The following SH2B1 variants were observed in gnomAD, a reference collection of about 807,000 sequenced individuals.
SH2B1 encodes the protein SH2B adapter protein 1.
In SH2B1, 15 loss-of-function variants were observed where a neutral mutation model predicts 62.6. The observed-to-expected ratio is 0.24, with a 90% CI of 0.16 to 0.37. The LOEUF is 0.37. SH2B1 is among the 10% of genes least tolerant of loss of function. The probability of loss-of-function intolerance (pLI) is 1.00; values close to 1 mark genes in which losing one functional copy is unlikely to be tolerated. For missense variants in SH2B1, 925 were observed against 1,015.6 expected (o/e 0.91, Z 1.21); for synonymous variants, 443 against 438.0 (o/e 1.01, Z -0.14).
chr16:28,852,867 CATAT>C (rs1442128625), intron 1 of SH2B1, among the ~76,000 whole-genome samples: 1 of 78,068 alleles, frequency 1.3e-5, no homozygotes, highest in Non-Finnish European at 2.2e-5. Context: ...TATATATTTA[CATAT>C]ATATTTTTAT....
chr16:28,863,731 G>A, upstream of SH2B1: 1 of 1,535,788 alleles, frequency 6.5e-7, no homozygotes, highest in Non-Finnish European at 8.7e-7. Flanking sequence ...CCTGGGGTCG[G>A]CGCCGAGTGG....
chr16:28,852,305 T>C (rs577167807), intron 1 of SH2B1, among the ~76,000 whole-genome samples: 12 of 63,930 alleles, frequency 1.9e-4, no homozygotes, highest in African/African-American at 7.6e-4. Flanking sequence ...TATATTTACA[T>C]ATATATATTT....
chr16:28,862,703 C>T (rs1962488960), upstream of SH2B1: 1 of 148,296 alleles, frequency 6.7e-6, no homozygotes, highest in Non-Finnish European at 1.5e-5. Context: ...GCAACCTCTG[C>T]CTCCCGGGTT....
At position 28,873,879 on chromosome 16, in the gene SH2B1, T is replaced by G; in HGVS notation, c.*59T>G. On this transcript the variant is annotated 3_prime_UTR_variant, in exon 8 of 8. Transcript: ENST00000684370. The surrounding 1 kb of genome is among the most constrained non-coding windows in gnomAD (Gnocchi z 4.2). The stretch of plus-strand genomic sequence containing the variant: ...CCCAGCCCTGCTCGTGAGATTGGGC[T>G]GGGTAGGGACAGAGGAGGCCGAAAT... 2 of 1,382,890 alleles carry G rather than the reference T, an allele frequency of 1.4e-6. No homozygotes were observed. Among genetic ancestry groups the G allele is most frequent in the Non-Finnish European group, 1.9e-6 (2 of 1,072,292 alleles). 85.7% of individuals were successfully genotyped at this position (1,382,890 alleles called of 1,614,324 possible).
At chr16:28,850,894 G>T (rs2152153132) in intron 1 of SH2B1, among the ~76,000 whole-genome samples, 1 of 150,364 alleles carries the variant, frequency 6.7e-6, no homozygotes, top group African/African-American at 2.4e-5. Flanking sequence ...ATTAAAAAGG[G>T]CCGGACGTGG....
rs371393867 is a variant in SH2B1, at chr16:28,852,343, C to CAT, written c.-301+5523_-301+5524dup. Among the ~76,000 whole-genome samples the CAT allele has an allele frequency of 3.5e-3, 102 of 29,512 alleles. 14 individuals carry two copies. The highest frequency in any genetic ancestry group is 8.4e-3 in the African/African-American group (58 of 6,900). 19.4% of individuals were successfully genotyped at this position (29,512 alleles called of 152,430 possible). Reference sequence around the variant, plus strand: ...ATATATATATTTACATATATATTTACATATATATTTATATATATATTTATA... The same window carrying CAT: ...ATATATATATTTACATATATATTTACATATATATATTTATATATATATTTATA... On this transcript the variant is annotated intron_variant, in intron 1 of 10. Transcript: ENST00000322610.
At position 28,873,489 on chromosome 16, in the gene SH2B1, C is replaced by T; in HGVS notation, c.1940C>T (p.Pro647Leu). Residue 647 changes from proline to leucine, a missense_variant, in exon 8 of 8, where the codon CCT becomes CTT. Pro to Leu is a moderately conservative substitution (Grantham distance 98, BLOSUM62 -3). Transcript: ENST00000684370. This position sits in a 1 kb window ranked among gnomAD's most constrained non-coding sequence, Gnocchi z 4.2. Reference sequence around the variant, plus strand: ...GACCCACCCCAGCCCCCTGAACCCCCTTCATGGACAGATCCCCCACAGCCT... The same window carrying T: ...GACCCACCCCAGCCCCCTGAACCCCTTTCATGGACAGATCCCCCACAGCCT... ...SHDPPQPPEPPSWTDPPQPGA... is the reference protein window; with the variant it reads ...SHDPPQPPEPLSWTDPPQPGA... 1.9e-6 allele frequency: 3 copies of T among 1,583,202 alleles called. No homozygotes were observed. Among genetic ancestry groups the T allele is most frequent in the East Asian group, 2.2e-5 (1 of 44,498 alleles).
Position 28,873,356 on chromosome 16 carries a change from C to T in SH2B1, c.1898-91C>T. On this transcript the variant is annotated intron_variant, in intron 7 of 7. Coordinates refer to ENST00000684370, the MANE Select transcript of SH2B1 (RefSeq NM_001387430.1). This position sits in a 1 kb window ranked among gnomAD's most constrained non-coding sequence, Gnocchi z 4.2. Reference sequence around the variant, plus strand: ...CAGGAGATGGGATGTGGGGAGACAGCCACGCTCCTGGGGGGCTGAGTGAAG... The same window carrying T: ...CAGGAGATGGGATGTGGGGAGACAGTCACGCTCCTGGGGGGCTGAGTGAAG... The T allele has an allele frequency of 6.3e-7, 1 of 1,586,278 alleles. No individual in the cohort carries two copies.
chr16:28,873,674 GC>G lies in SH2B1; in HGVS notation c.2129del (p.Pro710GlnfsTer27). 6.6e-7 allele frequency: 1 copy of G among 1,525,938 alleles called. No individual in the cohort carries two copies. The highest frequency in any genetic ancestry group is 1.7e-4 in the Middle Eastern group (1 of 5,826). 94.5% of individuals were successfully genotyped at this position (1,525,938 alleles called of 1,614,324 possible). A position where few individuals can be genotyped will look rare whatever the true frequency, so the allele number is the denominator to read the frequency against. On this transcript the variant is annotated frameshift_variant, in exon 8 of 8. Coordinates refer to ENST00000684370, the MANE Select transcript of SH2B1 (RefSeq NM_001387430.1). LOFTEE classifies it high-confidence loss of function. This position sits in a 1 kb window ranked among gnomAD's most constrained non-coding sequence, Gnocchi z 4.2. ...VPVVELEEAI[A>X]PGSEAQGAGS... ...CGTGGTTGAATTGGAAGAGGCCATA[GC>G]CCCAGGCTCAGAGGCCCAGGGCGCT...
intron 2 of SH2B1, 111 bp downstream of exon 2, chr16:28,867,543 C>T: frequency 1.3e-6 from 1 of 773,720 alleles, no homozygotes; most frequent in East Asian, 2.5e-5. Context: ...TGTCCAGTGC[C>T]TTGAGAGTGT....
intron 1 of SH2B1, among the ~76,000 whole-genome samples, chr16:28,852,386 A>T (rs1329706514): frequency 4.5e-5 from 3 of 66,130 alleles, no homozygotes; most frequent in African/African-American, 2.0e-4. Context: ...ACATATATTT[A>T]TATATATACA....
At chr16:28,871,718 C>G (rs1162479133) in intron 4 of SH2B1, 62 bp from the exon 5 acceptor site, 2 of 1,373,070 alleles carry the variant, frequency 1.5e-6, no homozygotes, top group African/African-American at 2.9e-5. Flanking sequence ...GGAGATGGGC[C>G]CAGGACAGTC....
intron 2 of SH2B1, among the ~76,000 whole-genome samples, chr16:28,868,209 G>A (rs1487339280): frequency 6.6e-6 from 1 of 151,618 alleles, no homozygotes. Context: ...GCGCGATCTC[G>A]ACTCACTGCA....
intron 1 of SH2B1, among the ~76,000 whole-genome samples, chr16:28,855,491 G>A (rs1256490346): frequency 6.6e-6 from 1 of 152,170 alleles, no homozygotes; most frequent in Admixed American, 6.6e-5. Context: ...AAATTGCTGG[G>A]AGTACAGGCA....
At chr16:28,852,799 T>TATATATTTAC (rs1366629345) in intron 1 of SH2B1, among the ~76,000 whole-genome samples, 1 of 67,884 alleles carries the variant, frequency 1.5e-5, no homozygotes, top group African/African-American at 6.7e-5. Context: ...TATATTTACA[T>TATATATTTAC]ATATATTTAC....
Position 28,865,452 on chromosome 16 carries a change from C to CT in SH2B1, c.-642dup. 1.0e-6 allele frequency: 1 copy of CT among 985,618 alleles called. No homozygotes were observed. Among genetic ancestry groups the CT allele is most frequent in the East Asian group, 1.1e-4 (1 of 8,946 alleles). The allele number at this position is 985,618 out of a possible 1,614,324, so 61.1% of individuals were successfully genotyped here. On this transcript the variant is annotated 5_prime_UTR_variant, in exon 1 of 8. An upstream open reading frame in the 5' UTR loses its in-frame stop. Coordinates refer to ENST00000684370, the MANE Select transcript of SH2B1 (RefSeq NM_001387430.1). Reference sequence around the variant, plus strand: ...TCTAAGGTCTAGAATCCCAGCTCCTCTCTAGCCCCCTGCGAGCTGGGGCGG... The same window carrying CT: ...TCTAAGGTCTAGAATCCCAGCTCCTCTTCTAGCCCCCTGCGAGCTGGGGCGG...
In SH2B1 at chr16:28,866,464, C is replaced by G. The variant is rs371537262; in HGVS notation, c.370C>G (p.Arg124Gly). Residue 124 changes from arginine (R) to glycine (G), a missense_variant, in exon 1 of 8, where the codon CGA (arginine) becomes GGA (glycine). Coordinates refer to ENST00000684370, the MANE Select transcript of SH2B1 (RefSeq NM_001387430.1). This position sits in a 1 kb window ranked among gnomAD's most constrained non-coding sequence, Gnocchi z 6.3. ...GCCCCTGGCTGTGCTGGGCCCTTCT[C>G]GATCATCTGAGGACCTGGCCGGCCC... is the stretch of plus-strand genomic sequence containing the variant. ...GGPLAVLGPS[R>G]SSEDLAGPLP... is the part of the protein sequence containing the mutation. 5.0e-6 allele frequency: 8 copies of G among 1,613,894 alleles called. No homozygotes were observed. In the East Asian group the frequency reaches 6.7e-5, roughly 13 times the overall value.
rs527954657 is a variant in SH2B1 at position 28,872,611 on chromosome 16, C to G, written c.1803C>G (p.Leu601=). Residue 601 remains leucine (L), a synonymous_variant, in exon 7 of 8, where the codon CTC becomes CTG. Transcript: ENST00000684370. This position sits in a 1 kb window ranked among gnomAD's most constrained non-coding sequence, Gnocchi z 5.3. ...GGTTCCAGTCCATTTTCGATATGCT[C>G]GAGCACTTCCGGGTGCACCCCATCC... is the stretch of plus-strand genomic sequence containing the variant. The part of the protein sequence containing the change: ...HLWFQSIFDM[L]EHFRVHPIPL... 3.5e-5 allele frequency: 56 copies of G among 1,614,044 alleles called. No individual in the cohort carries two copies. The highest frequency in any genetic ancestry group is 4.6e-5 in the Non-Finnish European group (54 of 1,180,030).
In SH2B1 at chr16:28,866,196, C is replaced by G; in HGVS notation, c.102C>G (p.Ala34=). The G allele has an allele frequency of 6.3e-7, 1 of 1,590,804 alleles. No individual in the cohort carries two copies. The highest frequency in any genetic ancestry group is 8.5e-7 in the Non-Finnish European group (1 of 1,170,752). ...PSWREFCESH[A]RAAALDFARR... Reference sequence around the variant, plus strand: ...GGCGGGAGTTCTGTGAGTCCCACGCCCGGGCTGCGGCTCTGGACTTTGCCC... The same window carrying G: ...GGCGGGAGTTCTGTGAGTCCCACGCGCGGGCTGCGGCTCTGGACTTTGCCC... The change falls in exon 1 of 8, where the codon GCC becomes GCG. Residue 34 remains alanine (A), a synonymous_variant. Coordinates refer to ENST00000684370, the MANE Select transcript of SH2B1 (RefSeq NM_001387430.1). This position sits in a 1 kb window ranked among gnomAD's most constrained non-coding sequence, Gnocchi z 6.3.
Sources: gnomAD v4.1 joint callset for allele counts (sites outside exome capture counted in the v4.1 genomes callset) on GRCh38, gnomAD v4.1.1 for gene constraint, Gnocchi (gnomAD v3.1) non-coding constraint, MANE v1.5 for transcripts, NCBI Gene and HGNC (gene_info 2026-07-23, HGNC 2026-07-21) for gene names.